The following SMYD1 variants were observed in gnomAD, a reference collection of about 807,000 sequenced individuals.
The protein encoded by SMYD1 is SET and MYND domain containing 1.
Under a neutral mutation model 54.0 loss-of-function variants are expected in SMYD1, and 49 were observed. That is an observed-to-expected ratio of 0.91 (90% confidence interval 0.72 to 1.15). SMYD1 has a LOEUF of 1.15. Among genes scored for constraint, SMYD1 ranks in the 50% most tolerant of loss-of-function variants. The probability of loss-of-function intolerance (pLI) is 0.00; values close to 1 mark genes in which losing one functional copy is unlikely to be tolerated. For synonymous variants in SMYD1, 269 were observed against 234.2 expected, an observed-to-expected ratio of 1.15 and a Z score of -1.36; for missense variants, 653 against 639.6, an observed-to-expected ratio of 1.02 and a Z score of -0.23.
intron 8 of SMYD1, 66 bp from the exon 9 acceptor site, chr2:88,108,305 T>G (rs1674929417): frequency 7.0e-7 from 1 of 1,427,412 alleles, no homozygotes; most frequent in African/African-American, 1.5e-5. Flanking sequence ...CTTTATACAT[T>G]ATTAAATTAA....
intron 1 of SMYD1, among the ~76,000 whole-genome samples, chr2:88,079,374 T>C (rs1279379404): frequency 6.6e-6 from 1 of 152,192 alleles, no homozygotes; most frequent in Non-Finnish European, 1.5e-5. Flanking sequence ...ATTAAGTTAG[T>C]TAATGGGAGC....
chr2:88,072,571 A>G (rs1673972272), intron 1 of SMYD1, among the ~76,000 whole-genome samples: 1 of 152,242 alleles, frequency 6.6e-6, no homozygotes, highest in African/African-American at 2.4e-5. Context: ...CATACATAAT[A>G]TGCTATATTT....
chr2:88,105,467 C>T (rs1374758644), intron 7 of SMYD1, among the ~76,000 whole-genome samples: 3 of 152,034 alleles, frequency 2.0e-5, no homozygotes, highest in African/African-American at 7.2e-5. Flanking sequence ...TGCTCAAGTA[C>T]CTTGTAAAAA....
At chr2:88,103,467 A>C (rs888637255) in intron 7 of SMYD1, among the ~76,000 whole-genome samples, 3 of 152,204 alleles carry the variant, frequency 2.0e-5, no homozygotes, top group South Asian at 2.1e-4. Context: ...TGCAAATGCC[A>C]GTGGACATAC....
chr2:88,076,197 G>A (rs564053500), intron 1 of SMYD1, among the ~76,000 whole-genome samples: 30 of 152,214 alleles, frequency 2.0e-4, no homozygotes, highest in Non-Finnish European at 4.3e-4. Flanking sequence ...ACTGCTTGAA[G>A]GCAAAGTCGG....
chr2:88,075,784 C>A (rs1172796043), intron 1 of SMYD1, among the ~76,000 whole-genome samples: 1 of 152,052 alleles, frequency 6.6e-6, no homozygotes, highest in Non-Finnish European at 1.5e-5. Flanking sequence ...CTCAAGTGAT[C>A]CTCCTGCCTC....
At chr2:88,106,271 T>A in intron 7 of SMYD1, 54 bp from the exon 8 acceptor site, 1 of 1,596,882 alleles carries the variant, frequency 6.3e-7, no homozygotes, top group South Asian at 1.1e-5. Flanking sequence ...CGTATGTGAA[T>A]TAAACGTGTG....
At chr2:88,109,269 C>CGTGTGTGTGTGTGTGTGT (rs57720073) in intron 9 of SMYD1, among the ~76,000 whole-genome samples, 3 of 151,476 alleles carry the variant, frequency 2.0e-5, no homozygotes, top group African/African-American at 7.3e-5. Flanking sequence ...TGCATGTGTG[C>CGTGTGTGTGTGTGTGTGT]GTGTGTGCAT....
At chr2:88,068,828 C>T (rs764888228) in intron 1 of SMYD1, among the ~76,000 whole-genome samples, 5 of 152,084 alleles carry the variant, frequency 3.3e-5, no homozygotes, top group Non-Finnish European at 7.4e-5. Context: ...AATATTTCAT[C>T]CTATAAATAT....
intron 1 of SMYD1, among the ~76,000 whole-genome samples, chr2:88,079,621 A>C (rs1674143179): frequency 6.6e-6 from 1 of 152,182 alleles, no homozygotes; most frequent in Admixed American, 6.5e-5. Flanking sequence ...GGAGTTCCAG[A>C]CTAGCCTGAC....
intron 3 of SMYD1, among the ~76,000 whole-genome samples, chr2:88,089,955 T>C (rs1406964922): frequency 6.6e-6 from 1 of 152,198 alleles, no homozygotes; most frequent in Non-Finnish European, 1.5e-5. Context: ...TTGAGTAATC[T>C]TCGGCATCCC....
chr2:88,079,630 A>C (rs901793911), intron 1 of SMYD1, among the ~76,000 whole-genome samples: 1 of 152,006 alleles, frequency 6.6e-6, no homozygotes, highest in African/African-American at 2.4e-5. Context: ...GACTAGCCTG[A>C]CCAACATGGT....
At chr2:88,104,001 C>G (rs1674790075) in intron 7 of SMYD1, among the ~76,000 whole-genome samples, 1 of 148,752 alleles carries the variant, frequency 6.7e-6, no homozygotes, top group Non-Finnish European at 1.5e-5. Context: ...GAGTCTCGCT[C>G]TGTCACCCAG....
At chr2:88,074,221 A>T (rs1307240219) in intron 1 of SMYD1, among the ~76,000 whole-genome samples, 1 of 152,270 alleles carries the variant, frequency 6.6e-6, no homozygotes, top group Non-Finnish European at 1.5e-5. Flanking sequence ...GGCTGAAAAC[A>T]ACACAAGTTT....
At chr2:88,073,979 A>G (rs1267901618) in intron 1 of SMYD1, among the ~76,000 whole-genome samples, 1 of 152,192 alleles carries the variant, frequency 6.6e-6, no homozygotes, top group Non-Finnish European at 1.5e-5. Context: ...GATGCACATA[A>G]CAGATGCTCA....
At chr2:88,088,306 C>T (rs1674386976) in intron 3 of SMYD1, among the ~76,000 whole-genome samples, 1 of 152,218 alleles carries the variant, frequency 6.6e-6, no homozygotes, top group African/African-American at 2.4e-5. Context: ...ACTGCCCCTT[C>T]CATTTCTGAG....
At chr2:88,069,312 G>A (rs1379075549) in intron 1 of SMYD1, among the ~76,000 whole-genome samples, 1 of 152,130 alleles carries the variant, frequency 6.6e-6, no homozygotes. Flanking sequence ...TTGTCTTCCT[G>A]CCCACTAAGA....
rs752137258 is a variant in SMYD1, at chr2:88,084,337, C to T, written c.159C>T (p.His53=). The part of the protein sequence containing the change: ...VFDSLVNFVC[H]TCFKRQEKLH... Reference sequence around the variant, plus strand: ...CCAGCCTTGTTAATTTTGTGTGCCACACCTGCTTCAAGAGGCAGGAGAAGC... The same window carrying T: ...CCAGCCTTGTTAATTTTGTGTGCCATACCTGCTTCAAGAGGCAGGAGAAGC... Residue 53 remains histidine, a synonymous_variant, in exon 2 of 10, where the codon CAC becomes CAT. Coordinates refer to ENST00000419482, the MANE Select transcript of SMYD1 (RefSeq NM_198274.4). The T allele has an allele frequency of 6.3e-7, 1 of 1,578,356 alleles. No individual in the cohort carries two copies. Among genetic ancestry groups the T allele is most frequent in the Non-Finnish European group, 8.7e-7 (1 of 1,151,148 alleles).
intron 8 of SMYD1, among the ~76,000 whole-genome samples, chr2:88,107,785 A>G (rs918259216): frequency 6.6e-6 from 1 of 152,222 alleles, no homozygotes; most frequent in Non-Finnish European, 1.5e-5. Context: ...TGCTAAGACC[A>G]TTGGAAAAGC....
Sources: allele counts gnomAD v4.1 joint callset (sites outside exome capture counted in the v4.1 genomes callset), GRCh38; gene constraint gnomAD v4.1.1; transcripts MANE v1.5; gene names NCBI Gene and HGNC (gene_info 2026-07-23, HGNC 2026-07-21).